The following CDADC1 variants were observed in gnomAD, a reference collection of about 807,000 sequenced individuals.
CDADC1 encodes dCTP deaminase.
In CDADC1, 39 loss-of-function variants were observed where a neutral mutation model predicts 54.9. The observed-to-expected ratio is 0.71, with a 90% CI of 0.55 to 0.93. The LOEUF is 0.93. Ranked by LOEUF, CDADC1 falls within the 40% of genes least tolerant of loss-of-function variation. The pLI, the probability that CDADC1 is intolerant of heterozygous loss-of-function variation, is 0.00. For synonymous variants in CDADC1, 186 were observed against 204.0 expected (o/e 0.91, Z 0.75); for missense variants, 518 against 618.8 (o/e 0.84, Z 1.73).
At chr13:49,255,511 T>G (rs767582612) in intron 2 of CDADC1, among the ~76,000 whole-genome samples, 5 of 152,230 alleles carry the variant, frequency 3.3e-5, no homozygotes, top group African/African-American at 7.2e-5. Flanking sequence ...TATTCCACTT[T>G]AGTCATTCAT....
At position 49,278,389 on chromosome 13, in the gene CDADC1, T is replaced by C; in HGVS notation, c.1090T>C (p.Cys364Arg). Residue 364 changes from cysteine (C) to arginine (R), a missense_variant, in exon 7 of 10, where the codon TGT becomes CGT. By Grantham distance (180) the Cys-to-Arg change is radical. Coordinates refer to ENST00000251108, the MANE Select transcript of CDADC1 (RefSeq NM_030911.4). ...AACAGGTGCCATGTACTTTGTAGGA[T>C]GTGGTTACAATGCTTTTCCTGTTGG... Reference protein sequence around the residue: ...DGTGAMYFVGCGYNAFPVGSE... With the variant: ...DGTGAMYFVGRGYNAFPVGSE... The C allele has an allele frequency of 6.3e-7, 1 of 1,596,122 alleles. No individual in the cohort carries two copies. Among genetic ancestry groups the C allele is most frequent in the Non-Finnish European group, 8.6e-7 (1 of 1,166,514 alleles).
chr13:49,252,197 T>C (rs1952450339), intron 2 of CDADC1, among the ~76,000 whole-genome samples: 1 of 152,160 alleles, frequency 6.6e-6, no homozygotes, highest in Admixed American at 6.5e-5. Flanking sequence ...TTGGTGTCTT[T>C]CCAGCTGTGC....
chr13:49,255,454 C>T (rs1952521664), intron 2 of CDADC1, among the ~76,000 whole-genome samples: 1 of 152,204 alleles, frequency 6.6e-6, no homozygotes. Flanking sequence ...GATCTAATAC[C>T]TTTGCTACAT....
intron 8 of CDADC1, 108 bp downstream of exon 8, chr13:49,280,806 A>G (rs1055132386): frequency 1.8e-5 from 2 of 108,294 alleles, no homozygotes; most frequent in Non-Finnish European, 3.0e-5. Flanking sequence ...GTTTCAACAA[A>G]TTATTATTAT....
intron 8 of CDADC1, among the ~76,000 whole-genome samples, chr13:49,285,106 TTATGA>T (rs1953467572): frequency 6.6e-6 from 1 of 152,190 alleles, no homozygotes; most frequent in Admixed American, 6.5e-5. Flanking sequence ...AGGTAATAGT[TTATGA>T]TATAACAACA....
At chr13:49,283,329 T>C (rs994388121) in intron 8 of CDADC1, among the ~76,000 whole-genome samples, 4 of 152,172 alleles carry the variant, frequency 2.6e-5, no homozygotes, top group African/African-American at 9.7e-5. Flanking sequence ...TATCACATTT[T>C]TAAATGAGGG....
intron 5 of CDADC1, among the ~76,000 whole-genome samples, chr13:49,273,121 G>A (rs377000703): frequency 6.6e-6 from 1 of 152,174 alleles, no homozygotes; most frequent in African/African-American, 2.4e-5. Flanking sequence ...TTTTATTAGA[G>A]TATCATAACT....
chr13:49,280,965 C>A (rs1029323536), intron 8 of CDADC1, among the ~76,000 whole-genome samples: 1 of 151,770 alleles, frequency 6.6e-6, no homozygotes, highest in African/African-American at 2.4e-5. Context: ...CCCCGAGTAG[C>A]TGGGATTACA....
chr13:49,261,807 G>A (rs1255869554), intron 4 of CDADC1, among the ~76,000 whole-genome samples: 1 of 152,156 alleles, frequency 6.6e-6, no homozygotes, highest in Non-Finnish European at 1.5e-5. Context: ...GGGAAGAATA[G>A]GAGAGTGCAG....
At chr13:49,290,941 AAGC>A (rs1235138310) in intron 9 of CDADC1, among the ~76,000 whole-genome samples, 12 of 152,198 alleles carry the variant, frequency 7.9e-5, no homozygotes, top group Admixed American at 7.9e-4. Context: ...TTAAACACAA[AAGC>A]CAGGAAGAGG....
At chr13:49,270,079 A>G (rs1355427205) in intron 5 of CDADC1, among the ~76,000 whole-genome samples, 2 of 152,142 alleles carry the variant, frequency 1.3e-5, no homozygotes, top group Non-Finnish European at 2.9e-5. Flanking sequence ...GGAAGAAACC[A>G]TGTCTTAATC....
intron 3 of CDADC1, among the ~76,000 whole-genome samples, chr13:49,257,537 G>A (rs954342982): frequency 9.2e-5 from 14 of 152,172 alleles, no homozygotes; most frequent in African/African-American, 1.4e-4. Flanking sequence ...TTGGGAGGCC[G>A]AGGCGGGCGG....
intron 6 of CDADC1, among the ~76,000 whole-genome samples, chr13:49,275,995 T>C (rs1474195925): frequency 6.6e-6 from 1 of 151,696 alleles, no homozygotes; most frequent in Non-Finnish European, 1.5e-5. Flanking sequence ...TCTCAATCTC[T>C]TGACTTCGTG....
At position 49,278,382 on chromosome 13, in the gene CDADC1, T is replaced by C; in HGVS notation, c.1083T>C (p.Phe361=). 2 of 1,591,986 alleles carry C rather than the reference T, an allele frequency of 1.3e-6. No individual in the cohort carries two copies. The highest frequency in any genetic ancestry group is 1.7e-6 in the Non-Finnish European group (2 of 1,163,512). ...GTGATGGAACAGGTGCCATGTACTT[T>C]GTAGGATGTGGTTACAATGCTTTTC... The part of the protein sequence containing the change: ...RSCDGTGAMY[F]VGCGYNAFPV... The change falls in exon 7 of 10, where the codon TTT becomes TTC. Residue 361 remains phenylalanine, a synonymous_variant. Coordinates refer to ENST00000251108, the MANE Select transcript of CDADC1 (RefSeq NM_030911.4).
rs181621177 is a variant in CDADC1 at position 49,267,736 on chromosome 13, A to G, written c.677A>G (p.Asp226Gly). The change falls in exon 5 of 10, where the codon GAC (aspartate) becomes GGC (glycine). Residue 226 changes from aspartate (D) to glycine (G), a missense_variant. By Grantham distance (94) the Asp-to-Gly change is moderately conservative (BLOSUM62 -1). Coordinates refer to ENST00000251108, the MANE Select transcript of CDADC1 (RefSeq NM_030911.4). ...ITKTLPDANT[D>G]FYYECKQERI... ...AAAACATTGCCGGATGCTAACACTGACTTTTATTATGAATGTAAACAAGAA... is the reference window on the plus strand; with the variant it reads ...AAAACATTGCCGGATGCTAACACTGGCTTTTATTATGAATGTAAACAAGAA... 2 of 1,610,732 alleles carry G rather than the reference A, an allele frequency of 1.2e-6. No homozygotes were observed. Among genetic ancestry groups the G allele is most frequent in the Non-Finnish European group, 1.7e-6 (2 of 1,178,750 alleles).
intron 4 of CDADC1, among the ~76,000 whole-genome samples, chr13:49,263,495 T>C (rs1290963590): frequency 6.6e-6 from 1 of 152,206 alleles, no homozygotes; most frequent in Non-Finnish European, 1.5e-5. Context: ...ACGTAACAGT[T>C]CAAAAAGTTT....
At chr13:49,249,777 A>C (rs1394244856) in intron 2 of CDADC1, among the ~76,000 whole-genome samples, 2 of 152,150 alleles carry the variant, frequency 1.3e-5, no homozygotes, top group Non-Finnish European at 2.9e-5. Context: ...CATAAAAGCC[A>C]ATATATTGGA....
At chr13:49,268,759 TTACAA>T (rs963413884) in intron 5 of CDADC1, among the ~76,000 whole-genome samples, 4 of 152,208 alleles carry the variant, frequency 2.6e-5, no homozygotes, top group African/African-American at 9.6e-5. Context: ...TAAAAAATCT[TTACAA>T]TAACATTAAT....
chr13:49,276,130 CAAT>C (rs2138243795), intron 6 of CDADC1, among the ~76,000 whole-genome samples: 1 of 152,052 alleles, frequency 6.6e-6, no homozygotes, highest in South Asian at 2.1e-4. Context: ...ATCATGTAAT[CAAT>C]AAAAAATTAT....
Sources: allele counts gnomAD v4.1 joint callset (sites outside exome capture counted in the v4.1 genomes callset), GRCh38; gene constraint gnomAD v4.1.1; transcripts MANE v1.5; gene names NCBI Gene and HGNC (gene_info 2026-07-23, HGNC 2026-07-21).